The following PTPRD variants were observed in gnomAD, a reference collection of about 807,000 sequenced individuals.
PTPRD encodes protein tyrosine phosphatase receptor type D.
In PTPRD, 34 loss-of-function variants were observed where a neutral mutation model predicts 214.5. The ratio of observed to expected loss-of-function variants is 0.16; its 90% CI spans 0.12 to 0.21. The LOEUF is 0.21. Ranked by LOEUF, PTPRD falls within the 10% of genes least tolerant of loss-of-function variation. PTPRD has a pLI of 1.00. For synonymous variants in PTPRD, 1,128 were observed against 845.7 expected, an observed-to-expected ratio of 1.33 and a Z score of -5.79; for missense variants, 2,545 against 2,398.7, an observed-to-expected ratio of 1.06 and a Z score of -1.27.
At position 9,371,116 on chromosome 9, in the gene PTPRD, T is replaced by C. The variant is rs539979291; in HGVS notation, c.-203+26333A>G. Reference sequence around the variant, plus strand: ...CTGCCAGCCTTTGGTATCAGGATGATGCTGGCTTCATAAAATGAGTTAGGG... The same window carrying C: ...CTGCCAGCCTTTGGTATCAGGATGACGCTGGCTTCATAAAATGAGTTAGGG... On this transcript the variant is annotated intron_variant, in intron 9 of 45. Coordinates refer to ENST00000381196, the MANE Select transcript of PTPRD (RefSeq NM_002839.4). Among the ~76,000 whole-genome samples, 6 of 152,326 alleles carry C rather than the reference T, an allele frequency of 3.9e-5. No homozygotes were observed. The East Asian group carries it at 1.2e-3, about 29-fold the overall frequency.
At chr9:10,501,496 G>C (rs190077259) in intron 2 of PTPRD, among the ~76,000 whole-genome samples, 1 of 151,700 alleles carries the variant, frequency 6.6e-6, no homozygotes. Flanking sequence ...TGTTTACTTC[G>C]TTGACTTCAA....
At chr9:10,395,135 T>C (rs1294819411) in intron 2 of PTPRD, among the ~76,000 whole-genome samples, 1 of 151,502 alleles carries the variant, frequency 6.6e-6, no homozygotes, top group African/African-American at 2.4e-5. Context: ...AGTTCTAGGG[T>C]ACATGTGCAC....
chr9:8,386,226 T>A (rs1399854907), intron 37 of PTPRD, among the ~76,000 whole-genome samples: 4 of 152,186 alleles, frequency 2.6e-5, no homozygotes, highest in African/African-American at 9.6e-5. Flanking sequence ...GTATTTGAAC[T>A]CAGACATCTG....
intron 8 of PTPRD, among the ~76,000 whole-genome samples, chr9:9,470,553 T>C (rs1194027205): frequency 1.3e-5 from 2 of 152,214 alleles, no homozygotes; most frequent in Non-Finnish European, 2.9e-5. Context: ...TCTAACAGTA[T>C]ACACTTAGTA....
At chr9:8,985,004 T>C (rs917904051) in intron 11 of PTPRD, among the ~76,000 whole-genome samples, 3 of 152,116 alleles carry the variant, frequency 2.0e-5, no homozygotes, top group African/African-American at 7.2e-5. Context: ...AATTTACTTT[T>C]GATCCATTTA....
chr9:9,875,937 G>C (rs531208185), intron 5 of PTPRD, among the ~76,000 whole-genome samples: 2 of 152,126 alleles, frequency 1.3e-5, no homozygotes, highest in African/African-American at 4.8e-5. Flanking sequence ...AGAAAGATGG[G>C]ATGAGAGAGA....
At chr9:9,497,784 A>C (rs2096254886) in intron 8 of PTPRD, among the ~76,000 whole-genome samples, 8 of 152,156 alleles carry the variant, frequency 5.3e-5, no homozygotes. Context: ...ATAATATCAT[A>C]ATAGCAGTAA....
At chr9:9,879,321 G>C (rs1348219203) in intron 5 of PTPRD, among the ~76,000 whole-genome samples, 2 of 152,136 alleles carry the variant, frequency 1.3e-5, no homozygotes, top group Non-Finnish European at 2.9e-5. Context: ...CTCTATCCAT[G>C]AAATGTCTGT....
At chr9:8,843,337 A>G (rs2097604200) in intron 11 of PTPRD, among the ~76,000 whole-genome samples, 1 of 152,226 alleles carries the variant, frequency 6.6e-6, no homozygotes, top group Non-Finnish European at 1.5e-5. Context: ...GAAACACAGT[A>G]TCTTTCACTT....
chr9:8,752,565 C>T (rs1156891935), intron 11 of PTPRD, among the ~76,000 whole-genome samples: 1 of 152,176 alleles, frequency 6.6e-6, no homozygotes, highest in Non-Finnish European at 1.5e-5. Context: ...GACTCGCCCT[C>T]AATTCTTTCT....
chr9:10,507,956 A>C (rs1413076776), intron 2 of PTPRD, among the ~76,000 whole-genome samples: 1 of 152,208 alleles, frequency 6.6e-6, no homozygotes, highest in Admixed American at 6.5e-5. Context: ...AATGGGATCT[A>C]ATTAAACTAA....
chr9:10,344,530 T>C (rs2097026465), intron 2 of PTPRD, among the ~76,000 whole-genome samples: 1 of 152,206 alleles, frequency 6.6e-6, no homozygotes, highest in South Asian at 2.1e-4. Flanking sequence ...TTTGGTTTCA[T>C]ACAAACTTTA....
chr9:8,763,470 G>T (rs940550264), intron 11 of PTPRD, among the ~76,000 whole-genome samples: 33 of 151,818 alleles, frequency 2.2e-4, no homozygotes, highest in African/African-American at 7.3e-4. Flanking sequence ...CCAAGATCAC[G>T]CCACTGCACT....
intron 5 of PTPRD, among the ~76,000 whole-genome samples, chr9:9,936,214 C>T (rs1442166146): frequency 6.7e-6 from 1 of 148,840 alleles, no homozygotes; most frequent in Non-Finnish European, 1.5e-5. Context: ...CAACAAAAGC[C>T]AAAATTGACA....
At chr9:8,807,195 G>C (rs1277247462) in intron 11 of PTPRD, among the ~76,000 whole-genome samples, 1 of 152,064 alleles carries the variant, frequency 6.6e-6, no homozygotes, top group African/African-American at 2.4e-5. Flanking sequence ...AAATTAGCCA[G>C]GCATGGTAGT....
At chr9:9,645,877 A>G (rs2096144731) in intron 7 of PTPRD, among the ~76,000 whole-genome samples, 1 of 152,190 alleles carries the variant, frequency 6.6e-6, no homozygotes, top group Non-Finnish European at 1.5e-5. Context: ...TTCCTAAAGC[A>G]TTTCAAAATT....
At chr9:9,014,744 C>G (rs1401790017) in intron 11 of PTPRD, among the ~76,000 whole-genome samples, 1 of 152,110 alleles carries the variant, frequency 6.6e-6, no homozygotes, top group Non-Finnish European at 1.5e-5. Flanking sequence ...CATTGAGCCT[C>G]TAATTTCTGA....
intron 7 of PTPRD, among the ~76,000 whole-genome samples, chr9:9,588,982 T>C (rs1019126583): frequency 2.0e-5 from 3 of 151,970 alleles, no homozygotes; most frequent in Non-Finnish European, 4.4e-5. Context: ...TTTTTAGTTT[T>C]GTGGCAAAAT....
intron 5 of PTPRD, among the ~76,000 whole-genome samples, chr9:9,789,191 A>T (rs1006000946): frequency 6.6e-6 from 1 of 152,196 alleles, no homozygotes; most frequent in Admixed American, 6.5e-5. Context: ...AATAGGAATT[A>T]CATGTTAAAA....
Sources: gnomAD v4.1 joint callset for allele counts (sites outside exome capture counted in the v4.1 genomes callset) on GRCh38, gnomAD v4.1.1 for gene constraint, MANE v1.5 for transcripts, NCBI Gene and HGNC (gene_info 2026-07-23, HGNC 2026-07-21) for gene names.